The following KAZN variants were observed in gnomAD, a reference collection of about 807,000 sequenced individuals.
The protein encoded by KAZN is kazrin.
Under a neutral mutation model 87.4 loss-of-function variants are expected in KAZN, and 40 were observed. The observed-to-expected ratio is 0.46, with a 90% CI of 0.36 to 0.60. The LOEUF (loss-of-function observed/expected upper bound fraction) is 0.60. Ranked by LOEUF, KAZN falls within the 20% of genes least tolerant of loss-of-function variation. The probability of loss-of-function intolerance (pLI) is 0.00; values close to 1 mark genes in which losing one functional copy is unlikely to be tolerated. For synonymous variants in KAZN, 466 were observed against 458.3 expected, an observed-to-expected ratio of 1.02 and a Z score of -0.22; for missense variants, 898 against 1,073.9, an observed-to-expected ratio of 0.84 and a Z score of 2.29.
intron 1 of KAZN, among the ~76,000 whole-genome samples, chr1:14,701,489 C>G (rs766674831): frequency 1.6e-4 from 24 of 152,210 alleles, no homozygotes; most frequent in Non-Finnish European, 2.9e-4. Flanking sequence ...CAGGAGTCCA[C>G]ACTCAAACAA....
chr1:14,783,147 T>C (rs1428944184), intron 1 of KAZN, among the ~76,000 whole-genome samples: 1 of 152,190 alleles, frequency 6.6e-6, no homozygotes, highest in Non-Finnish European at 1.5e-5. Context: ...CATGTCAGAA[T>C]GTGATGAGGC....
chr1:14,491,466 C>T (rs1669642589), intron 2 of KAZN, among the ~76,000 whole-genome samples: 1 of 152,096 alleles, frequency 6.6e-6, no homozygotes, highest in Non-Finnish European at 1.5e-5. Context: ...CCCTACCCGC[C>T]GACAGGTCCC....
At chr1:14,785,125 G>C (rs891665310) in intron 1 of KAZN, among the ~76,000 whole-genome samples, 2 of 152,016 alleles carry the variant, frequency 1.3e-5, no homozygotes, top group Admixed American at 1.3e-4. Flanking sequence ...CAAGTAACAG[G>C]GACCAATGTC....
At chr1:14,128,470 G>T (rs527427682) in intron 1 of KAZN, among the ~76,000 whole-genome samples, 52 of 152,264 alleles carry the variant, frequency 3.4e-4, no homozygotes, top group African/African-American at 1.2e-3. Flanking sequence ...GCAGAGGGGT[G>T]GTTGCTCCTG....
intron 2 of KAZN, among the ~76,000 whole-genome samples, chr1:14,519,043 G>A (rs1236625239): frequency 1.3e-5 from 2 of 152,180 alleles, no homozygotes; most frequent in East Asian, 1.9e-4. Flanking sequence ...TTAGCCATAG[G>A]TGAGGGGTAG....
At chr1:14,119,706 A>G (rs1358763089) in intron 1 of KAZN, among the ~76,000 whole-genome samples, 2 of 152,142 alleles carry the variant, frequency 1.3e-5, no homozygotes, top group Non-Finnish European at 2.9e-5. Flanking sequence ...AAGTGTCTCA[A>G]TAGCTGACAC....
Position 14,110,693 on chromosome 1 carries a change from A to G in KAZN, c.92-69742A>G, listed in dbSNP as rs549418125. On this transcript the variant is annotated intron_variant, in intron 1 of 16. Coordinates refer to the KAZN transcript ENST00000636203. ...TTCTCTAAGGTGGTAGCCACAAACCATCTGTGGCTACAAAACCCTTAAAAT... is the reference window on the plus strand; with the variant it reads ...TTCTCTAAGGTGGTAGCCACAAACCGTCTGTGGCTACAAAACCCTTAAAAT... 6.0e-5 allele frequency among the ~76,000 whole-genome samples: 8 copies of G among 134,158 alleles called. 1 individual carries two copies. Among genetic ancestry groups the G allele is most frequent in the Non-Finnish European group, 1.1e-4 (7 of 62,878 alleles). The allele number at this position is 134,158 out of a possible 152,430, so 88.0% of individuals were successfully genotyped here.
intron 2 of KAZN, among the ~76,000 whole-genome samples, chr1:14,588,994 G>A (rs1426004024): frequency 6.6e-6 from 1 of 152,176 alleles, no homozygotes; most frequent in Non-Finnish European, 1.5e-5. Context: ...GGGCACGGAT[G>A]CAGAACACCA....
At chr1:13,945,212 A>G (rs61775581) in intron 1 of KAZN, among the ~76,000 whole-genome samples, 21,112 of 152,114 alleles carry the variant, frequency 0.14, 1,560 homozygotes, top group Middle Eastern at 0.22. Context: ...GGTGGCTCAC[A>G]CCTATAATAC....
At chr1:13,905,748 ACT>A (rs1328838693) in intron 1 of KAZN, among the ~76,000 whole-genome samples, 1 of 152,002 alleles carries the variant, frequency 6.6e-6, no homozygotes, top group African/African-American at 2.4e-5. Flanking sequence ...GTGTGCTATC[ACT>A]CTGGTTTTCA....
chr1:14,096,407 C>T (rs1644129397), intron 1 of KAZN, among the ~76,000 whole-genome samples: 1 of 152,170 alleles, frequency 6.6e-6, no homozygotes, highest in African/African-American at 2.4e-5. Context: ...GAGCCAGATG[C>T]CCTGGAGGAT....
At chr1:14,991,638 G>A (rs1667367666) in intron 2 of KAZN, among the ~76,000 whole-genome samples, 1 of 152,200 alleles carries the variant, frequency 6.6e-6, no homozygotes. Context: ...GGGGGACCAT[G>A]TGCATGGCCA....
chr1:14,199,518 A>G (rs540822733), intron 2 of KAZN, among the ~76,000 whole-genome samples: 5 of 152,294 alleles, frequency 3.3e-5, no homozygotes, highest in Non-Finnish European at 7.4e-5. Context: ...AGGCTCAAGG[A>G]CTTGTGGAAT....
intron 2 of KAZN, among the ~76,000 whole-genome samples, chr1:14,278,925 G>GTTTT (rs1652619957): frequency 1.5e-5 from 1 of 66,064 alleles, no homozygotes; most frequent in Non-Finnish European, 2.6e-5. Context: ...ATCAAATTCA[G>GTTTT]CTTTTTTTTT....
chr1:14,526,739 C>T (rs373007390), intron 2 of KAZN, among the ~76,000 whole-genome samples: 2 of 152,166 alleles, frequency 1.3e-5, no homozygotes, highest in African/African-American at 4.8e-5. Context: ...CATTTTCATA[C>T]ATCAAGAAAC....
rs979428193 is a variant in KAZN at position 14,485,880 on chromosome 1, G to A, written c.250-113103G>A. ...TGCACTCCAGCCTGGGCGACAGAGCGAGACTCCATCTCAAAAAAAAAAAAA... is the reference window on the plus strand; with the variant it reads ...TGCACTCCAGCCTGGGCGACAGAGCAAGACTCCATCTCAAAAAAAAAAAAA... On this transcript the variant is annotated intron_variant, in intron 2 of 16. Coordinates refer to the KAZN transcript ENST00000636203. Among the ~76,000 whole-genome samples, 6 of 145,126 alleles carry A rather than the reference G, an allele frequency of 4.1e-5. No individual in the cohort carries two copies. In the South Asian group the frequency reaches 1.1e-3, roughly 27 times the overall value.
At chr1:13,945,710 TGAGA>T (rs200937986) in intron 1 of KAZN, among the ~76,000 whole-genome samples, 8,491 of 136,712 alleles carry the variant, frequency 0.062, 366 homozygotes, top group South Asian at 0.1. Flanking sequence ...TGTGTGTGTG[TGAGA>T]GAGAGAGAGA....
intron 2 of KAZN, among the ~76,000 whole-genome samples, chr1:14,397,293 G>A (rs1321253204): frequency 6.6e-6 from 1 of 152,134 alleles, no homozygotes. Context: ...TCCAAGATCA[G>A]GGCACCAGCA....
intron 1 of KAZN, among the ~76,000 whole-genome samples, chr1:14,742,047 C>T (rs552244908): frequency 1.1e-4 from 16 of 152,232 alleles, no homozygotes; most frequent in African/African-American, 3.9e-4. Flanking sequence ...TAGAACCATC[C>T]CCAAGCAAAG....
Sources: gnomAD v4.1 joint callset for allele counts (sites outside exome capture counted in the v4.1 genomes callset) on GRCh38, gnomAD v4.1.1 for gene constraint, MANE v1.5 for transcripts, NCBI Gene and HGNC (gene_info 2026-07-23, HGNC 2026-07-21) for gene names.